The following IRAK2 variants were observed in gnomAD, a reference collection of about 807,000 sequenced individuals.
IRAK2 encodes interleukin 1 receptor associated kinase 2.
A neutral mutation model predicts 72.0 loss-of-function variants in IRAK2; 57 were observed. The observed-to-expected ratio is 0.79, with a 90% CI of 0.64 to 0.99. IRAK2 has a LOEUF of 0.99. Ranked by LOEUF, IRAK2 falls within the 50% of genes least tolerant of loss-of-function variation. The pLI, the probability that IRAK2 is intolerant of heterozygous loss-of-function variation, is 0.00. For missense variants in IRAK2, 790 were observed against 794.4 expected (o/e 0.99, Z 0.07); for synonymous variants, 293 against 312.7 (o/e 0.94, Z 0.67).
At position 10,183,951 on chromosome 3, in the gene IRAK2, T is replaced by C. The variant is rs540821749; in HGVS notation, c.277+5931T>C. Among the ~76,000 whole-genome samples the C allele has an allele frequency of 5.8e-4, 88 of 152,222 alleles. 1 individual carries two copies. The Middle Eastern group carries it at 0.01, about 18-fold the overall frequency. On this transcript the variant is annotated intron_variant, in intron 2 of 12. Transcript: ENST00000256458. Reference sequence around the variant, plus strand: ...GAGAAAAGACAGGCGTTCGTTTCCCTCTCCTGTGACTGCCAGGCTGCCCCG... The same window carrying C: ...GAGAAAAGACAGGCGTTCGTTTCCCCCTCCTGTGACTGCCAGGCTGCCCCG...
intron 6 of IRAK2, among the ~76,000 whole-genome samples, chr3:10,214,118 G>A (rs149077488): frequency 2.0e-5 from 3 of 152,032 alleles, no homozygotes; most frequent in African/African-American, 4.8e-5. Context: ...TAGTAGAGAC[G>A]GGGTTTTGAC....
rs750777387 is a variant in IRAK2 at position 10,209,646 on chromosome 3, C to A, written c.482C>A (p.Ala161Asp). The change falls in exon 4 of 13, where the codon GCC (alanine) becomes GAC (aspartate). Residue 161 changes from alanine (A) to aspartate (D), a missense_variant. Coordinates refer to ENST00000256458, the MANE Select transcript of IRAK2 (RefSeq NM_001570.4). ...TTTCTCCAGCCTCCTGAAGAAGATG[C>A]CCCTCATTCCTTGAGAAGCGACCTC... The part of the protein sequence containing the change: ...PAFLQPPEED[A>D]PHSLRSDLPT... The A allele has an allele frequency of 1.9e-6, 3 of 1,570,306 alleles. No individual in the cohort carries two copies. Among genetic ancestry groups the A allele is most frequent in the African/African-American group, 2.8e-5 (2 of 72,260 alleles).
At chr3:10,210,174 G>A (rs1363841074) in intron 4 of IRAK2, among the ~76,000 whole-genome samples, 1 of 152,120 alleles carries the variant, frequency 6.6e-6, no homozygotes, top group African/African-American at 2.4e-5. Flanking sequence ...ACCTGCCTCC[G>A]CCTCCCAAAG....
chr3:10,186,783 C>CCTT (rs761091678), intron 2 of IRAK2, among the ~76,000 whole-genome samples: 4 of 124,732 alleles, frequency 3.2e-5, no homozygotes, highest in African/African-American at 9.9e-5. Flanking sequence ...TCTTTCTTTC[C>CCTT]TTTTTTTTTT....
Position 10,230,281 on chromosome 3 carries a change from A to ACCC in IRAK2, c.1272+3855_1272+3857dup, listed in dbSNP as rs369885953. 2.4e-4 allele frequency among the ~76,000 whole-genome samples: 34 copies of ACCC among 144,548 alleles called. No homozygotes were observed. In the South Asian group the frequency reaches 3.4e-3, roughly 15 times the overall value. The allele number at this position is 144,548 out of a possible 152,430, so 94.8% of individuals were successfully genotyped here. ...TCTATAAATTGAGGATAATAGTAGT[A>ACCC]CCCCCCCCCACCGACAAGGTATGTT... On this transcript the variant is annotated intron_variant, in intron 10 of 12. Transcript: ENST00000256458.
At chr3:10,172,692 G>A (rs1398014393) in intron 1 of IRAK2, among the ~76,000 whole-genome samples, 12 of 149,556 alleles carry the variant, frequency 8.0e-5, no homozygotes, top group Admixed American at 7.3e-4. Flanking sequence ...ACAAAAATTA[G>A]CTGGGCATGG....
At chr3:10,189,044 T>A (rs155266) in intron 2 of IRAK2, among the ~76,000 whole-genome samples, 100,446 of 152,240 alleles carry the variant, frequency 0.66, 34,375 homozygotes, top group African/African-American at 0.85. Context: ...TCAGGCCTCA[T>A]GGAGCTTACA....
At chr3:10,211,091 G>A (rs1342508447) in intron 4 of IRAK2, among the ~76,000 whole-genome samples, 3 of 151,952 alleles carry the variant, frequency 2.0e-5, no homozygotes, top group African/African-American at 4.8e-5. Flanking sequence ...TTGAACTCCT[G>A]GCCTCATGTG....
At chr3:10,221,004 T>C (rs1697678573) in intron 8 of IRAK2, among the ~76,000 whole-genome samples, 1 of 152,106 alleles carries the variant, frequency 6.6e-6, no homozygotes, top group African/African-American at 2.4e-5. Flanking sequence ...AGTGTCTTAG[T>C]CTTCCCGTGA....
At chr3:10,238,719 T>G (rs778835828) in intron 11 of IRAK2, 29 bp from the exon 12 acceptor site, 10 of 1,601,296 alleles carry the variant, frequency 6.2e-6, no homozygotes, top group Admixed American at 1.7e-5. Context: ...GAATTCCTGA[T>G]GAGCTCCCTT....
chr3:10,171,921 A>G (rs945066972), intron 1 of IRAK2, among the ~76,000 whole-genome samples: 4 of 151,000 alleles, frequency 2.6e-5, no homozygotes, highest in African/African-American at 9.7e-5. Flanking sequence ...GCCCGCCACC[A>G]CACTCTGCTA....
At chr3:10,191,066 C>T (rs552924916) in intron 2 of IRAK2, among the ~76,000 whole-genome samples, 5 of 151,962 alleles carry the variant, frequency 3.3e-5, no homozygotes, top group East Asian at 3.9e-4. Flanking sequence ...AGGCCGAGGC[C>T]GGCGGATCAC....
chr3:10,209,534 C>T, intron 3 of IRAK2, 55 bp from the exon 4 acceptor site: 1 of 1,155,854 alleles, frequency 8.7e-7, no homozygotes, highest in Non-Finnish European at 1.2e-6. Flanking sequence ...AGACCAGGAT[C>T]CCTCCTGTCT....
rs1046017741 is a variant in IRAK2 at position 10,186,369 on chromosome 3, A to T, written c.277+8349A>T. Among the ~76,000 whole-genome samples the T allele has an allele frequency of 5.3e-5, 8 of 151,700 alleles. 2 individuals carry two copies. The highest frequency in any genetic ancestry group is 2.0e-4 in the African/African-American group (8 of 40,962). ...GAAGCTTCTGCTCTCTTGGCTTCTA[A>T]TCAGTTCTGCTGTGGTAATCACAGC... On this transcript the variant is annotated intron_variant, in intron 2 of 12. Coordinates refer to ENST00000256458, the MANE Select transcript of IRAK2 (RefSeq NM_001570.4).
intron 11 of IRAK2, among the ~76,000 whole-genome samples, chr3:10,236,347 T>TTG (rs1553626657): frequency 3.0e-5 from 4 of 134,942 alleles, no homozygotes; most frequent in African/African-American, 1.1e-4. Flanking sequence ...CTAAGGTTTT[T>TTG]TTTTTTTTTT....
chr3:10,211,069 G>T (rs1697511011), intron 4 of IRAK2, among the ~76,000 whole-genome samples: 1 of 151,928 alleles, frequency 6.6e-6, no homozygotes, highest in East Asian at 1.9e-4. Context: ...CGCCATGTTG[G>T]CCAGGCTGGT....
chr3:10,174,012 GT>G (rs1005846112), intron 1 of IRAK2, among the ~76,000 whole-genome samples: 27 of 152,260 alleles, frequency 1.8e-4, no homozygotes, highest in African/African-American at 6.3e-4. Flanking sequence ...CTGTGGCTGA[GT>G]TCCTGCTGCC....
chr3:10,187,847 A>G (rs1240513258), intron 2 of IRAK2, among the ~76,000 whole-genome samples: 2 of 152,122 alleles, frequency 1.3e-5, no homozygotes, highest in Non-Finnish European at 2.9e-5. Flanking sequence ...AAGCCCCATG[A>G]TGGAGAACCT....
intron 11 of IRAK2, 25 bp from the exon 12 acceptor site, chr3:10,238,723 C>A (rs1698004531): frequency 6.2e-7 from 1 of 1,604,622 alleles, no homozygotes; most frequent in African/African-American, 1.3e-5. Flanking sequence ...TCCTGATGAG[C>A]TCCCTTCTCT....
Sources: allele counts gnomAD v4.1 joint callset (sites outside exome capture counted in the v4.1 genomes callset), GRCh38; gene constraint gnomAD v4.1.1; transcripts MANE v1.5; gene names NCBI Gene and HGNC (gene_info 2026-07-23, HGNC 2026-07-21).